The following MYO9A variants were observed in gnomAD, a reference collection of about 807,000 sequenced individuals.
MYO9A encodes unconventional myosin-IXa.
Under a neutral mutation model 293.3 loss-of-function variants are expected in MYO9A, and 103 were observed. The observed-to-expected ratio is 0.35, with a 90% CI of 0.30 to 0.41. The LOEUF (loss-of-function observed/expected upper bound fraction) is 0.41, where lower values mean the gene tolerates loss of function less well. MYO9A is among the 10% of genes least tolerant of loss of function. The pLI is 1.00. For missense variants in MYO9A, 2,685 were observed against 3,033.0 expected, an observed-to-expected ratio of 0.89 and a Z score of 2.69; for synonymous variants, 1,001 against 1,035.7, an observed-to-expected ratio of 0.97 and a Z score of 0.64.
intron 39 of MYO9A, among the ~76,000 whole-genome samples, chr15:71,840,237 G>A (rs1460974869): frequency 1.3e-5 from 2 of 152,216 alleles, no homozygotes; most frequent in Non-Finnish European, 2.9e-5. Context: ...TTCCTGTACA[G>A]GCATAAAACT....
At chr15:72,066,443 A>T (rs1484640402) in intron 1 of MYO9A, among the ~76,000 whole-genome samples, 1 of 150,468 alleles carries the variant, frequency 6.6e-6, no homozygotes, top group Non-Finnish European at 1.5e-5. Context: ...CAGAGATCAC[A>T]CCACTGCACT....
rs1239703096 is a variant in MYO9A at position 71,825,462 on chromosome 15, AAAGG to A, written c.*1114_*1117del. The A allele has an allele frequency of 2.0e-5, 3 of 152,068 alleles. No individual in the cohort carries two copies. The highest frequency in any genetic ancestry group is 4.4e-5 in the Non-Finnish European group (3 of 68,018). 9.4% of individuals were successfully genotyped at this position (152,068 alleles called of 1,614,324 possible). On this transcript the variant is annotated 3_prime_UTR_variant, in exon 42 of 42. Coordinates refer to ENST00000356056, the MANE Select transcript of MYO9A (RefSeq NM_006901.4). The stretch of plus-strand genomic sequence containing the variant: ...TCTATTTAATACTGATAGTCTGAGA[AAAGG>A]AAGATAAAAGTTAGTTAGTTAGATA...
At chr15:71,953,670 C>A (rs935416548) in intron 14 of MYO9A, 1 of 151,690 alleles carries the variant, frequency 6.6e-6, no homozygotes, top group Admixed American at 6.6e-5. Flanking sequence ...GTTTCTTTAA[C>A]CTCTCTCCTG....
chr15:71,940,497 G>C (rs372617547), intron 15 of MYO9A, among the ~76,000 whole-genome samples: 2 of 151,968 alleles, frequency 1.3e-5, no homozygotes, highest in Non-Finnish European at 2.9e-5. Flanking sequence ...GTCTTGGAGC[G>C]GGGACGGGGT....
At chr15:71,965,003 C>A (rs1012641135) in intron 13 of MYO9A, among the ~76,000 whole-genome samples, 5 of 151,718 alleles carry the variant, frequency 3.3e-5, no homozygotes, top group Non-Finnish European at 7.4e-5. Context: ...TTCTTCCTTT[C>A]CAACATATGT....
At chr15:72,058,622 T>C (rs985419465) in intron 1 of MYO9A, among the ~76,000 whole-genome samples, 16 of 152,222 alleles carry the variant, frequency 1.1e-4, no homozygotes, top group South Asian at 4.1e-4. Flanking sequence ...ATGCTGTATC[T>C]TTTATATAGA....
In MYO9A at chr15:71,852,170, A is replaced by G. The variant is rs1414527995; in HGVS notation, c.6437T>C (p.Met2146Thr). 4 of 1,613,786 alleles carry G rather than the reference A, an allele frequency of 2.5e-6. No individual in the cohort carries two copies. Among genetic ancestry groups the G allele is most frequent in the South Asian group, 1.1e-5 (1 of 91,044 alleles). ...QWLRDLPNPL[M>T]TFELYEEFLR... is the part of the protein sequence containing the mutation. ...AAATTCCTCATAGAGTTCAAAGGTCATGAGAGGATTGGGCAAATCTCGAAG... is the reference window on the plus strand; with the variant it reads ...AAATTCCTCATAGAGTTCAAAGGTCGTGAGAGGATTGGGCAAATCTCGAAG... The change falls in exon 36 of 42, where the codon ATG (methionine) becomes ACG (threonine). Residue 2146 changes from methionine (M) to threonine (T), a missense_variant. Met to Thr is a moderately conservative substitution (Grantham distance 81). Coordinates refer to ENST00000356056, the MANE Select transcript of MYO9A (RefSeq NM_006901.4).
At chr15:71,914,084 CT>C (rs2057939114) in intron 19 of MYO9A, among the ~76,000 whole-genome samples, 1 of 152,148 alleles carries the variant, frequency 6.6e-6, no homozygotes, top group African/African-American at 2.4e-5. Context: ...ATCTCTAGCT[CT>C]TTCTCTTCAT....
intron 19 of MYO9A, among the ~76,000 whole-genome samples, chr15:71,915,004 G>A (rs1426696648): frequency 1.3e-5 from 2 of 152,066 alleles, no homozygotes; most frequent in East Asian, 3.8e-4. Context: ...TTCAGACACT[G>A]AGCTCACCAA....
At chr15:72,072,111 G>A (rs2079211613) in intron 1 of MYO9A, among the ~76,000 whole-genome samples, 1 of 147,824 alleles carries the variant, frequency 6.8e-6, no homozygotes, top group Non-Finnish European at 1.5e-5. Context: ...ATACATAAAA[G>A]AGAAAAAAGA....
At chr15:71,885,609 A>G (rs957635011) in intron 27 of MYO9A, among the ~76,000 whole-genome samples, 3 of 152,118 alleles carry the variant, frequency 2.0e-5, no homozygotes, top group African/African-American at 7.2e-5. Flanking sequence ...TACTTTCATC[A>G]TTGTAACAGA....
At chr15:71,841,587 T>A (rs1280171592) in intron 39 of MYO9A, among the ~76,000 whole-genome samples, 1 of 152,084 alleles carries the variant, frequency 6.6e-6, no homozygotes, top group African/African-American at 2.4e-5. Flanking sequence ...TATTTTTATA[T>A]TTATAGGCTA....
chr15:72,051,403 C>A (rs1307137407), intron 1 of MYO9A, among the ~76,000 whole-genome samples: 1 of 152,100 alleles, frequency 6.6e-6, no homozygotes, highest in Non-Finnish European at 1.5e-5. Context: ...GGCCACCTGC[C>A]CAGGTGGGCT....
intron 1 of MYO9A, among the ~76,000 whole-genome samples, chr15:72,065,411 A>AG (rs1293581406): frequency 1.3e-5 from 2 of 151,326 alleles, no homozygotes; most frequent in Non-Finnish European, 2.9e-5. Context: ...GCTACTTGGG[A>AG]GGCTGAGGCA....
intron 31 of MYO9A, among the ~76,000 whole-genome samples, chr15:71,877,810 A>T (rs555909563): frequency 6.6e-6 from 1 of 152,316 alleles, no homozygotes; most frequent in South Asian, 2.1e-4. Context: ...TTATGTTTTA[A>T]CTCAGTGAAC....
At chr15:71,886,811 T>C (rs1481668134) in intron 27 of MYO9A, among the ~76,000 whole-genome samples, 1 of 152,122 alleles carries the variant, frequency 6.6e-6, no homozygotes, top group Non-Finnish European at 1.5e-5. Flanking sequence ...TAAATATATA[T>C]AATCTATTAT....
At chr15:72,052,232 A>G (rs955654821) in intron 1 of MYO9A, among the ~76,000 whole-genome samples, 2 of 152,120 alleles carry the variant, frequency 1.3e-5, no homozygotes, top group Non-Finnish European at 2.9e-5. Context: ...TACCAGCTGC[A>G]GTGAGGAGCT....
chr15:71,945,360 A>G (rs576774748), intron 15 of MYO9A, among the ~76,000 whole-genome samples: 1 of 152,324 alleles, frequency 6.6e-6, no homozygotes, highest in African/African-American at 2.4e-5. Context: ...CTAGCAAGTA[A>G]AGCAGTACCC....
Position 71,956,350 on chromosome 15 carries a change from T to TATATATATATAA in MYO9A, c.2182+3550_2182+3551insTTATATATATAT, listed in dbSNP as rs1475961500. On this transcript the variant is annotated intron_variant, in intron 14 of 41. Coordinates refer to ENST00000356056, the MANE Select transcript of MYO9A (RefSeq NM_006901.4). ...AAAAAAATATATATATATATATATA[T>TATATATATATAA]AAAATACGCCCAGCGTGGTGGCTCA... 2.0e-3 allele frequency among the ~76,000 whole-genome samples: 237 copies of TATATATATATAA among 121,020 alleles called. 4 individuals are homozygous for TATATATATATAA. The highest frequency in any genetic ancestry group is 0.016 in the East Asian group (70 of 4,280). 79.4% of individuals were successfully genotyped at this position (121,020 alleles called of 152,430 possible).
Sources: gnomAD v4.1 joint callset for allele counts (sites outside exome capture counted in the v4.1 genomes callset) on GRCh38, gnomAD v4.1.1 for gene constraint, MANE v1.5 for transcripts, NCBI Gene and HGNC (gene_info 2026-07-23, HGNC 2026-07-21) for gene names.